PPM1G: variants seen among roughly 807,000 people sequenced by gnomAD.
PPM1G encodes protein phosphatase, Mg2+/Mn2+ dependent 1G.
Under a neutral mutation model 59.4 loss-of-function variants are expected in PPM1G, and 12 were observed. The observed-to-expected ratio is 0.20, with a 90% CI of 0.13 to 0.33. The LOEUF is 0.33. PPM1G is among the 10% of genes least tolerant of loss of function. The pLI is 1.00. For synonymous variants in PPM1G, 245 were observed against 251.9 expected, an observed-to-expected ratio of 0.97 and a Z score of 0.26; for missense variants, 392 against 681.3, an observed-to-expected ratio of 0.58 and a Z score of 4.73.
At position 27,383,920 on chromosome 2, in the gene PPM1G, T is replaced by C; in HGVS notation, c.966+32A>G. ...GGGATTCACACCTGCCTTGTGGCTTTTCAAGACTCATTGCTCCCCTTCCCC... is the reference window on the plus strand; with the variant it reads ...GGGATTCACACCTGCCTTGTGGCTTCTCAAGACTCATTGCTCCCCTTCCCC... On this transcript the variant is annotated intron_variant, in intron 6 of 9. Transcript: ENST00000344034. The surrounding 1 kb of genome is among the most constrained non-coding windows in gnomAD (Gnocchi z 5.0). 6.4e-7 allele frequency: 1 copy of C among 1,551,482 alleles called. No individual in the cohort carries two copies. The highest frequency in any genetic ancestry group is 8.7e-7 in the Non-Finnish European group (1 of 1,146,758).
intron 1 of PPM1G, among the ~76,000 whole-genome samples, chr2:27,406,947 C>T (rs1663385432): frequency 6.6e-6 from 1 of 151,548 alleles, no homozygotes; most frequent in Admixed American, 6.6e-5. Context: ...GAAACTATAC[C>T]CAGATTTATT....
intron 1 of PPM1G, among the ~76,000 whole-genome samples, chr2:27,396,644 G>A (rs1684060610): frequency 6.6e-6 from 1 of 151,680 alleles, no homozygotes; most frequent in African/African-American, 2.4e-5. Flanking sequence ...GAGAAACCCC[G>A]TCTCTACTAA....
chr2:27,394,741 TAAA>T (rs397868730), intron 1 of PPM1G, among the ~76,000 whole-genome samples: 22 of 107,906 alleles, frequency 2.0e-4, no homozygotes, highest in Admixed American at 3.1e-4. Context: ...GACTCTGTCT[TAAA>T]AAAAAAAAAA....
chr2:27,409,265 C>A, intron 1 of PPM1G, 38 bp downstream of exon 1: 4 of 1,540,960 alleles, frequency 2.6e-6, no homozygotes, highest in South Asian at 1.2e-5. Flanking sequence ...CAGATTCCCG[C>A]CCCGCAGCGG....
Position 27,409,306 on chromosome 2 carries a change from C to T in PPM1G, c.117G>A (p.Met39Ile). Residue 39 changes from methionine (M) to isoleucine (I), a missense_variant, in exon 1 of 10, where the codon ATG becomes ATA. By Grantham distance (10) the Met-to-Ile change is conservative. This residue lies in a region of PPM1G where 68 missense variants were observed against 145.9 expected (regional missense o/e 0.47). Transcript: ENST00000344034. ...FSAMQGWRVS[M>I]EDAHNCIPEL... ...CTATGGGCCCCTGCCTCCTCACCTC[C>T]ATGGAGACGCGCCAGCCTTGCATGG... 6.4e-7 allele frequency: 1 copy of T among 1,551,978 alleles called. No homozygotes were observed. Among genetic ancestry groups the T allele is most frequent in the Middle Eastern group, 1.7e-4 (1 of 5,974 alleles).
Position 27,409,288 on chromosome 2 carries a change from C to T in PPM1G, c.120+15G>A. On this transcript the variant is annotated intron_variant, in intron 1 of 9. Transcript: ENST00000344034. ...CGCCCCGCAGCGGCCAGCCTATGGG[C>T]CCCTGCCTCCTCACCTCCATGGAGA... is the stretch of plus-strand genomic sequence containing the variant. The T allele has an allele frequency of 6.4e-7, 1 of 1,553,776 alleles. No homozygotes were observed. The highest frequency in any genetic ancestry group is 8.7e-7 in the Non-Finnish European group (1 of 1,151,172).
rs765437403 is a variant in PPM1G, at chr2:27,382,574, C to A, written c.1233G>T (p.Leu411=). 2 of 1,614,200 alleles carry A rather than the reference C, an allele frequency of 1.2e-6. No individual in the cohort carries two copies. Among genetic ancestry groups the A allele is most frequent in the South Asian group, 1.1e-5 (1 of 91,084 alleles). ...CTGAAATCATCTGTTCCTCAGGTGG[C>A]AGGTTCTTGTTTCTCTTATAGAAGT... The part of the protein sequence containing the change: ...GDHFYKRNKN[L]PPEEQMISAL... The change falls in exon 8 of 10, where the codon CTG becomes CTT. Residue 411 remains leucine, a synonymous_variant. Transcript: ENST00000344034. This position sits in a 1 kb window ranked among gnomAD's most constrained non-coding sequence, Gnocchi z 4.2.
intron 1 of PPM1G, among the ~76,000 whole-genome samples, chr2:27,390,464 C>A (rs1323852892): frequency 2.6e-5 from 4 of 152,110 alleles, no homozygotes; most frequent in African/African-American, 9.7e-5. Context: ...ATGGCTCATG[C>A]ATGTAATCTC....
intron 1 of PPM1G, among the ~76,000 whole-genome samples, chr2:27,390,901 C>T (rs532863211): frequency 2.6e-5 from 4 of 151,290 alleles, no homozygotes; most frequent in African/African-American, 9.7e-5. Flanking sequence ...TGATGTTCAG[C>T]TCCCACTCTC....
In PPM1G at chr2:27,387,117, G is replaced by A. The variant is rs1170710096; in HGVS notation, c.162C>T (p.Ala54=). 25 of 1,613,086 alleles carry A rather than the reference G, an allele frequency of 1.5e-5. No individual in the cohort carries two copies. The highest frequency in any genetic ancestry group is 2.1e-5 in the Non-Finnish European group (25 of 1,179,224). The part of the protein sequence containing the change: ...NCIPELDSET[A]MFSVYDGHGG... ...CATGTCCATCGTAGACAGAAAACAT[G>A]GCTGTCTCACTGTCCAGCTCAGGAA... The change falls in exon 2 of 10, where the codon GCC becomes GCT. Residue 54 remains alanine (A), a synonymous_variant. Transcript: ENST00000344034.
intron 1 of PPM1G, among the ~76,000 whole-genome samples, chr2:27,405,370 G>A (rs1169342724): frequency 6.7e-6 from 1 of 150,220 alleles, no homozygotes; most frequent in Non-Finnish European, 1.5e-5. Context: ...CGTGCCCAGT[G>A]CCTACCTCTT....
rs948607892 is a variant in PPM1G, at chr2:27,384,235, G to C, written c.826-143C>G. ...CAAGTATATGGTCATGAAAATTGGG[G>C]GGATGGAAAGGGCTAGCATGAGTAC... On this transcript the variant is annotated intron_variant, in intron 5 of 9. Transcript: ENST00000344034. This position sits in a 1 kb window ranked among gnomAD's most constrained non-coding sequence, Gnocchi z 4.8. The C allele has an allele frequency of 4.4e-6, 6 of 1,371,240 alleles. No homozygotes were observed. Among genetic ancestry groups the C allele is most frequent in the Non-Finnish European group, 5.9e-6 (6 of 1,012,278 alleles). 84.9% of individuals were successfully genotyped at this position (1,371,240 alleles called of 1,614,324 possible).
intron 1 of PPM1G, among the ~76,000 whole-genome samples, chr2:27,396,718 G>A (rs868581300): frequency 4.0e-5 from 6 of 151,174 alleles, no homozygotes; most frequent in South Asian, 2.1e-4. Flanking sequence ...AGGAGGCTGA[G>A]GCAGGAGAAT....
chr2:27,404,482 G>A (rs1047221778), intron 1 of PPM1G, among the ~76,000 whole-genome samples: 8 of 151,134 alleles, frequency 5.3e-5, no homozygotes, highest in East Asian at 2.0e-4. Context: ...CCCAAGAGGC[G>A]GAAGTTTCAG....
intron 1 of PPM1G, among the ~76,000 whole-genome samples, chr2:27,407,408 T>G (rs1663408559): frequency 6.6e-6 from 1 of 151,618 alleles, no homozygotes; most frequent in African/African-American, 2.4e-5. Context: ...GGACTACAGG[T>G]GGGTGCCACC....
rs760296752 is a variant in PPM1G at position 27,381,663 on chromosome 2, A to G, written c.1577T>C (p.Leu526Pro). 1.2e-6 allele frequency: 2 copies of G among 1,613,930 alleles called. No individual in the cohort carries two copies. The highest frequency in any genetic ancestry group is 1.7e-6 in the Non-Finnish European group (2 of 1,180,010). The change falls in exon 10 of 10, where the codon CTC becomes CCC. Residue 526 changes from leucine (L) to proline (P), a missense_variant. Physicochemically the swap from Leu to Pro is moderately conservative, Grantham distance 98. Coordinates refer to ENST00000344034, the MANE Select transcript of PPM1G (RefSeq NM_177983.3). ...ESGKRKLEEV[L>P]STEGAEENGN... The stretch of plus-strand genomic sequence containing the variant: ...ATTTTCTTCAGCCCCCTCAGTAGAG[A>G]GCACCTCCTCTAGTTTTCGCTTGCC...
chr2:27,401,196 T>C (rs1321114979), intron 1 of PPM1G, among the ~76,000 whole-genome samples: 1 of 152,206 alleles, frequency 6.6e-6, no homozygotes, highest in South Asian at 2.1e-4. Context: ...TACAACAATG[T>C]ATGTGTGATT....
At chr2:27,398,256 G>A (rs1450925156) in intron 1 of PPM1G, among the ~76,000 whole-genome samples, 1 of 152,084 alleles carries the variant, frequency 6.6e-6, no homozygotes, top group African/African-American at 2.4e-5. Context: ...TTCAATGGGG[G>A]AAAAGAACAG....
intron 1 of PPM1G, among the ~76,000 whole-genome samples, chr2:27,392,286 GTTTTT>G (rs70953857): frequency 2.3e-4 from 16 of 70,446 alleles, no homozygotes; most frequent in Non-Finnish European, 3.5e-4. Flanking sequence ...GGTTTGTTTT[GTTTTT>G]TTTTTTTTTT....
Sources: gnomAD v4.1 joint callset for allele counts (sites outside exome capture counted in the v4.1 genomes callset) on GRCh38, gnomAD v4.1.1 for gene constraint, gnomAD v4.1.1 regional missense constraint, Gnocchi (gnomAD v3.1) non-coding constraint, MANE v1.5 for transcripts, NCBI Gene and HGNC (gene_info 2026-07-23, HGNC 2026-07-21) for gene names.